The following RHOA variants were observed in gnomAD, a reference collection of about 807,000 sequenced individuals.
RHOA encodes the protein ras homolog family member A, also known as transforming protein RhoA.
Under a neutral mutation model 17.5 loss-of-function variants are expected in RHOA, and 3 were observed. The ratio of observed to expected loss-of-function variants is 0.17; its 90% CI spans 0.08 to 0.44. The LOEUF (loss-of-function observed/expected upper bound fraction) is 0.44. Among genes scored for constraint, RHOA ranks in the 20% least tolerant of loss-of-function variants. The pLI, the probability that RHOA is intolerant of heterozygous loss-of-function variation, is 0.99. For missense variants in RHOA, 56 were observed against 242.3 expected (o/e 0.23, Z 5.10); for synonymous variants, 98 against 88.4 (o/e 1.11, Z -0.61).
intron 4 of RHOA, among the ~76,000 whole-genome samples, chr3:49,361,921 C>T (rs1408641889): frequency 6.6e-6 from 1 of 151,380 alleles, no homozygotes; most frequent in Admixed American, 6.6e-5. Context: ...GGCACAGTGG[C>T]TCACACCTGT....
At chr3:49,361,576 G>A (rs1335963682) in intron 4 of RHOA, among the ~76,000 whole-genome samples, 1 of 152,162 alleles carries the variant, frequency 6.6e-6, no homozygotes, top group Non-Finnish European at 1.5e-5. Flanking sequence ...AATAGCTGGG[G>A]AAGGCAATCA....
At chr3:49,382,370 C>G (rs2107862326) in intron 1 of RHOA, among the ~76,000 whole-genome samples, 1 of 151,642 alleles carries the variant, frequency 6.6e-6, no homozygotes, top group Admixed American at 6.6e-5. Flanking sequence ...CGTGGTGGCT[C>G]ACACCTGTAA....
At chr3:49,369,006 CTTTTTTTTTTTT>C (rs1160140765) in intron 2 of RHOA, among the ~76,000 whole-genome samples, 20 of 59,710 alleles carry the variant, frequency 3.3e-4, no homozygotes, top group East Asian at 1.9e-3. Flanking sequence ...CGCGCCTGGC[CTTTTTTTTTTTT>C]TTTTTTTTTT....
At chr3:49,397,397 T>C (rs2048634892) in intron 1 of RHOA, among the ~76,000 whole-genome samples, 1 of 152,152 alleles carries the variant, frequency 6.6e-6, no homozygotes, top group African/African-American at 2.4e-5. Context: ...ACTGTAGTGA[T>C]ACACGTAAAA....
intron 3 of RHOA, among the ~76,000 whole-genome samples, chr3:49,368,121 A>G (rs573646289): frequency 6.6e-6 from 1 of 152,082 alleles, no homozygotes; most frequent in South Asian, 2.1e-4. Flanking sequence ...CATGTTGGCC[A>G]GGCTGGTCTT....
intron 3 of RHOA, among the ~76,000 whole-genome samples, chr3:49,367,486 AAAG>A (rs752287848): frequency 8.5e-5 from 13 of 152,130 alleles, no homozygotes; most frequent in Non-Finnish European, 1.6e-4. Flanking sequence ...CAACCAAAAA[AAAG>A]AAAGTCTTTC....
chr3:49,368,283 A>T, intron 3 of RHOA, 145 bp downstream of exon 3: 2 of 1,011,164 alleles, frequency 2.0e-6, no homozygotes, highest in Non-Finnish European at 3.0e-6. Flanking sequence ...CCCACGCTCT[A>T]CAATCCCAAA....
At chr3:49,384,421 T>C (rs2048365174) in intron 1 of RHOA, among the ~76,000 whole-genome samples, 1 of 152,204 alleles carries the variant, frequency 6.6e-6, no homozygotes, top group African/African-American at 2.4e-5. Context: ...CTTATAAGTT[T>C]GGAGTAGAGG....
chr3:49,360,166 A>C lies in RHOA; in HGVS notation c.*43T>G. ...TCATACACTAAGATTAATAAACAGC[A>C]CTTCAAAATTAACCGCATAAGGGCT... On this transcript the variant is annotated 3_prime_UTR_variant, in exon 5 of 5. Transcript: ENST00000418115. The C allele has an allele frequency of 1.3e-6, 2 of 1,562,310 alleles. No individual in the cohort carries two copies. Among genetic ancestry groups the C allele is most frequent in the Non-Finnish European group, 1.7e-6 (2 of 1,152,646 alleles).
chr3:49,404,598 CA>C (rs1467431868), intron 1 of RHOA, among the ~76,000 whole-genome samples: 9 of 104,238 alleles, frequency 8.6e-5, no homozygotes, highest in Non-Finnish European at 1.4e-4. Flanking sequence ...GACAACAGAG[CA>C]AGACTCCGTC....
chr3:49,394,284 G>GT (rs1478641559), intron 1 of RHOA, among the ~76,000 whole-genome samples: 1 of 152,132 alleles, frequency 6.6e-6, no homozygotes, highest in Non-Finnish European at 1.5e-5. Flanking sequence ...GATTACAGGC[G>GT]TGAGCCACTG....
At chr3:49,364,314 C>T (rs936458146) in intron 3 of RHOA, among the ~76,000 whole-genome samples, 3 of 152,050 alleles carry the variant, frequency 2.0e-5, no homozygotes, top group East Asian at 3.9e-4. Flanking sequence ...GGAGAAACCC[C>T]GTCTCTACTA....
rs2047937474 is a variant in RHOA, at chr3:49,360,132, G to A, written c.*77C>T. On this transcript the variant is annotated 3_prime_UTR_variant, in exon 5 of 5. Transcript: ENST00000418115. ...AGGTAAATTATAGATAAATGAAAAA[G>A]GCCAGTAATCATACACTAAGATTAA... 2 of 1,372,260 alleles carry A rather than the reference G, an allele frequency of 1.5e-6. No homozygotes were observed. Among genetic ancestry groups the A allele is most frequent in the African/African-American group, 1.5e-5 (1 of 68,624 alleles). The allele number at this position is 1,372,260 out of a possible 1,614,324, so 85.0% of individuals were successfully genotyped here.
At chr3:49,383,374 C>G (rs1392911153) in intron 1 of RHOA, among the ~76,000 whole-genome samples, 1 of 143,702 alleles carries the variant, frequency 7.0e-6, no homozygotes, top group Non-Finnish European at 1.5e-5. Flanking sequence ...GAGCTGAGAT[C>G]ACACCACTGC....
intron 2 of RHOA, 37 bp downstream of exon 2, chr3:49,375,397 G>A (rs2107848855): frequency 6.3e-7 from 1 of 1,575,512 alleles, no homozygotes; most frequent in South Asian, 1.2e-5. Context: ...ATTCTAACAT[G>A]GAAAATGGCA....
intron 1 of RHOA, among the ~76,000 whole-genome samples, chr3:49,391,991 C>A (rs571513729): frequency 6.6e-6 from 1 of 151,894 alleles, no homozygotes; most frequent in African/African-American, 2.4e-5. Flanking sequence ...CTATGTTCGG[C>A]TCATTTCCGT....
chr3:49,367,905 T>C (rs2048085542), intron 3 of RHOA, among the ~76,000 whole-genome samples: 1 of 151,634 alleles, frequency 6.6e-6, no homozygotes, highest in Non-Finnish European at 1.5e-5. Context: ...TATTTAGTAA[T>C]AATAATAATA....
chr3:49,384,420 T>C (rs1429706122), intron 1 of RHOA, among the ~76,000 whole-genome samples: 1 of 152,180 alleles, frequency 6.6e-6, no homozygotes, highest in Admixed American at 6.5e-5. Context: ...ACTTATAAGT[T>C]TGGAGTAGAG....
intron 1 of RHOA, among the ~76,000 whole-genome samples, chr3:49,383,414 C>CT (rs2048348528): frequency 8.4e-6 from 1 of 118,962 alleles, no homozygotes; most frequent in Non-Finnish European, 1.7e-5. Flanking sequence ...AGCGAGAATC[C>CT]ATCTCAAAAA....
Sources: gnomAD v4.1 joint callset for allele counts (sites outside exome capture counted in the v4.1 genomes callset) on GRCh38, gnomAD v4.1.1 for gene constraint, MANE v1.5 for transcripts, NCBI Gene and HGNC (gene_info 2026-07-23, HGNC 2026-07-21) for gene names.